Variants in DNAH10 observed in about 807,000 individuals in gnomAD.
DNAH10 encodes the protein dynein axonemal heavy chain 10.
A neutral mutation model predicts 506.6 loss-of-function variants in DNAH10; 348 were observed. The observed-to-expected ratio is 0.69, with a 90% CI of 0.63 to 0.75. DNAH10 has a LOEUF of 0.75. Ranked by LOEUF, DNAH10 falls within the 30% of genes least tolerant of loss-of-function variation. DNAH10 has a pLI of 0.00. For synonymous variants in DNAH10, 2,059 were observed against 2,198.6 expected, an observed-to-expected ratio of 0.94 and a Z score of 1.78; for missense variants, 5,179 against 5,787.1, an observed-to-expected ratio of 0.89 and a Z score of 3.41.
chr12:123,765,047 C>T (rs924038428), intron 1 of DNAH10, among the ~76,000 whole-genome samples: 1 of 152,022 alleles, frequency 6.6e-6, no homozygotes, highest in African/African-American at 2.4e-5. Context: ...AGAGGACCTG[C>T]AGAGAGCCCA....
rs75428888 is a variant in DNAH10 at position 123,826,921 on chromosome 12, A to C, written c.4391+23A>C. The C allele has an allele frequency of 6.8e-3, 10,728 of 1,586,182 alleles. 590 individuals carry two copies. In the African/African-American group the frequency reaches 0.12, roughly 18 times the overall value. ...CAGGTTTGTTTTGTCCTCTGTCCGC[A>C]GATGTAAAAGTGTGGGAGGAGCTTT... On this transcript the variant is annotated intron_variant, in intron 25 of 78. Coordinates refer to ENST00000673944, the MANE Select transcript of DNAH10 (RefSeq NM_001372106.1).
rs374864969 is a variant in DNAH10, at chr12:123,879,153, T to C, written c.8373-111T>C. The C allele has an allele frequency of 2.4e-5, 20 of 818,544 alleles. No homozygotes were observed. In the South Asian group the frequency reaches 3.2e-4, roughly 13 times the overall value. 50.7% of individuals were successfully genotyped at this position (818,544 alleles called of 1,614,324 possible). A position where few individuals can be genotyped will look rare whatever the true frequency, so the allele number is the denominator to read the frequency against. On this transcript the variant is annotated intron_variant, in intron 48 of 78. Transcript: ENST00000673944. ...GACTAGGGGGGCACGACTGGAGAAA[T>C]GTTGGGCCTTTATTGCGCTCTGTGT...
At chr12:123,797,769 A>G (rs59908178) in intron 13 of DNAH10, among the ~76,000 whole-genome samples, 14,027 of 152,264 alleles carry the variant, frequency 0.092, 1,139 homozygotes, top group African/African-American at 0.22. Flanking sequence ...TTCTTCCTGT[A>G]TTGAATTTTC....
chr12:123,865,849 A>G, intron 40 of DNAH10, 102 bp from the exon 41 acceptor site: 1 of 1,218,140 alleles, frequency 8.2e-7, no homozygotes, highest in Non-Finnish European at 1.1e-6. Context: ...TATTATTTGG[A>G]TTTCATGCAG....
intron 46 of DNAH10, among the ~76,000 whole-genome samples, chr12:123,873,960 C>G (rs1458455159): frequency 6.6e-6 from 1 of 152,120 alleles, no homozygotes; most frequent in African/African-American, 2.4e-5. Context: ...CAGCCAGCAG[C>G]CTTTGAACTA....
intron 49 of DNAH10, 31 bp downstream of exon 49, chr12:123,879,388 ATTC>A (rs1952401026): frequency 6.5e-7 from 1 of 1,545,994 alleles, no homozygotes. Context: ...TTCTCAGGAA[ATTC>A]TTCTCAGGAA....
At position 123,853,901 on chromosome 12, in the gene DNAH10, C is replaced by T. The variant is rs560790596; in HGVS notation, c.6438+549C>T. On this transcript the variant is annotated intron_variant, in intron 36 of 78. Coordinates refer to ENST00000673944, the MANE Select transcript of DNAH10 (RefSeq NM_001372106.1). This position sits in a 1 kb window ranked among gnomAD's most constrained non-coding sequence, Gnocchi z 4.7. ...ACATGCACGCGCACACACGTACGCA[C>T]GCACATGTACACATACGCACACGCA... Among the ~76,000 whole-genome samples the T allele has an allele frequency of 2.0e-5, 3 of 149,976 alleles. No homozygotes were observed. The highest frequency in any genetic ancestry group is 4.4e-5 in the Non-Finnish European group (3 of 67,468).
intron 16 of DNAH10, 45 bp from the exon 17 acceptor site, chr12:123,803,616 A>G: frequency 2.0e-6 from 3 of 1,473,580 alleles, no homozygotes; most frequent in Non-Finnish European, 2.7e-6. Flanking sequence ...ATGTGGAAAG[A>G]CAGAGTTGGA....
At chr12:123,807,295 G>A (rs1958718654) in intron 18 of DNAH10, among the ~76,000 whole-genome samples, 1 of 152,134 alleles carries the variant, frequency 6.6e-6, no homozygotes, top group Non-Finnish European at 1.5e-5. Flanking sequence ...TCACAGACAA[G>A]GCCCCTGTAT....
At position 123,909,568 on chromosome 12, in the gene DNAH10, C is replaced by T. The variant is rs376716930; in HGVS notation, c.9997+126C>T. 18 of 1,231,392 alleles carry T rather than the reference C, an allele frequency of 1.5e-5. No individual in the cohort carries two copies. The highest frequency in any genetic ancestry group is 2.6e-5 in the East Asian group (1 of 38,468). The allele number at this position is 1,231,392 out of a possible 1,614,324, so 76.3% of individuals were successfully genotyped here. ...CCCTCCCCTTCTGGTCAGATGGTAT[C>T]GGATGGAACAGGCAACTGATGGTCA... On this transcript the variant is annotated intron_variant, in intron 58 of 78. Transcript: ENST00000673944. This position sits in a 1 kb window ranked among gnomAD's most constrained non-coding sequence, Gnocchi z 5.4.
chr12:123,779,661 A>G (rs1398642192), intron 5 of DNAH10, among the ~76,000 whole-genome samples: 1 of 152,086 alleles, frequency 6.6e-6, no homozygotes, highest in Non-Finnish European at 1.5e-5. Context: ...CTGATGGAAG[A>G]TACACCCTGG....
intron 47 of DNAH10, among the ~76,000 whole-genome samples, chr12:123,877,268 G>A (rs1952294304): frequency 1.3e-5 from 2 of 152,072 alleles, no homozygotes; most frequent in Admixed American, 6.6e-5. Flanking sequence ...GTTCTCAAGG[G>A]TCATCCGTGC....
intron 51 of DNAH10, 61 bp downstream of exon 51, chr12:123,881,874 C>T (rs931492511): frequency 3.0e-5 from 41 of 1,388,550 alleles, no homozygotes; most frequent in Middle Eastern, 1.9e-4. Context: ...GTTGGTAGTT[C>T]GTGTACATAT....
At chr12:123,820,448 A>G (rs2136411531) in intron 23 of DNAH10, 132 bp from the exon 24 acceptor site, 1 of 904,208 alleles carries the variant, frequency 1.1e-6, no homozygotes, top group African/African-American at 1.7e-5. Context: ...TGGTGCCATG[A>G]TTCTAAATTT....
Position 123,801,444 on chromosome 12 carries a change from C to T in DNAH10, c.2614+12C>T, listed in dbSNP as rs1958479816. ...CTGGAACTCACTAGGTAACGTCATT[C>T]ATCTATTGATTGCCTTTTAGACTTG... On this transcript the variant is annotated intron_variant, in intron 16 of 78. Coordinates refer to ENST00000673944, the MANE Select transcript of DNAH10 (RefSeq NM_001372106.1). 6.2e-7 allele frequency: 1 copy of T among 1,609,338 alleles called. No individual in the cohort carries two copies. Among genetic ancestry groups the T allele is most frequent in the Non-Finnish European group, 8.5e-7 (1 of 1,178,288 alleles).
intron 52 of DNAH10, 140 bp downstream of exon 52, chr12:123,887,453 T>A (rs1952788096): frequency 1.0e-6 from 1 of 995,832 alleles, no homozygotes; most frequent in Non-Finnish European, 1.4e-6. Context: ...CGGCGGCCCC[T>A]GAGATAGGTC....
In DNAH10 at chr12:123,819,017, C is replaced by G. The variant is rs372464106; in HGVS notation, c.3848C>G (p.Ser1283Ter). The change falls in exon 22 of 79, where the codon TCA (serine) becomes TGA (stop). Residue 1283 changes from serine (S) to a stop codon, truncating the protein, a stop_gained. Coordinates refer to ENST00000673944, the MANE Select transcript of DNAH10 (RefSeq NM_001372106.1). LOFTEE classifies it high-confidence loss of function. ...ATATGGTCCAATCTGTTTAATGATT[C>G]AGTGAATGTGGAGCATGCTCTTGGG... Reference protein sequence around the residue: ...ESIWSNLFNDSVNVEHALGDI... With the variant: ...ESIWSNLFND 2.5e-6 allele frequency: 4 copies of G among 1,607,216 alleles called. No homozygotes were observed. The highest frequency in any genetic ancestry group is 2.5e-6 in the Non-Finnish European group (3 of 1,176,820).
intron 34 of DNAH10, 83 bp downstream of exon 34, chr12:123,848,965 T>C (rs1224778921): frequency 1.3e-6 from 2 of 1,533,330 alleles, no homozygotes; most frequent in African/African-American, 2.7e-5. Context: ...AGCGTCAGTT[T>C]CTGGGCCGTT....
chr12:123,773,045 T>A, intron 4 of DNAH10, 103 bp downstream of exon 4: 1 of 764,848 alleles, frequency 1.3e-6, no homozygotes, highest in Non-Finnish European at 2.1e-6. Context: ...ATCTTTCACC[T>A]ATGCCAAGCT....
Sources: gnomAD v4.1 joint callset for allele counts (sites outside exome capture counted in the v4.1 genomes callset) on GRCh38, gnomAD v4.1.1 for gene constraint, Gnocchi (gnomAD v3.1) non-coding constraint, MANE v1.5 for transcripts, NCBI Gene and HGNC (gene_info 2026-07-23, HGNC 2026-07-21) for gene names.